The following QTMAN variants were observed in gnomAD, a reference collection of about 807,000 sequenced individuals.
QTMAN encodes tRNA-queuosine alpha-mannosyltransferase.
chr2:144,228,700 T>C, the QTMAN span, among the ~76,000 whole-genome samples: 2 of 152,238 alleles, frequency 1.3e-5, no homozygotes, highest in African/African-American at 4.8e-5. Flanking sequence ...GGCTCATGCC[T>C]GCAATCCCAG....
At chr2:143,956,567 AT>A in the QTMAN span, among the ~76,000 whole-genome samples, 1 of 152,142 alleles carries the variant, frequency 6.6e-6, no homozygotes, top group African/African-American at 2.4e-5. Flanking sequence ...TTTTTGTCAG[AT>A]TCAGTAAGGA....
chr2:143,991,798 C>T, the QTMAN span, among the ~76,000 whole-genome samples: 2 of 150,098 alleles, frequency 1.3e-5, no homozygotes, highest in African/African-American at 4.9e-5. Flanking sequence ...GGTCAGCCCC[C>T]TGCCCGGCCA....
the QTMAN span, among the ~76,000 whole-genome samples, chr2:144,328,819 A>C: frequency 6.6e-6 from 1 of 152,178 alleles, no homozygotes; most frequent in Non-Finnish European, 1.5e-5. Flanking sequence ...TATTACCTCT[A>C]TGACTCTACA....
At chr2:144,213,551 G>A in the QTMAN span, among the ~76,000 whole-genome samples, 1 of 152,084 alleles carries the variant, frequency 6.6e-6, no homozygotes, top group African/African-American at 2.4e-5. Flanking sequence ...AGGAATTGTT[G>A]TATTAATATA....
chr2:144,107,480 T>C, the QTMAN span, among the ~76,000 whole-genome samples: 1 of 152,146 alleles, frequency 6.6e-6, no homozygotes, highest in Admixed American at 6.5e-5. Context: ...CAAACAACTC[T>C]ATGAAAATAA....
At chr2:144,280,667 G>A in the QTMAN span, among the ~76,000 whole-genome samples, 58 of 152,046 alleles carry the variant, frequency 3.8e-4, no homozygotes, top group South Asian at 1.7e-3. Context: ...AATGTATTTC[G>A]CCCACACATA....
chr2:144,132,338 C>T, the QTMAN span, among the ~76,000 whole-genome samples: 3 of 152,026 alleles, frequency 2.0e-5, no homozygotes, highest in Non-Finnish European at 2.9e-5. Context: ...GAATGAGCCA[C>T]TCTGGCTAAG....
chr2:144,043,134 T>C, the QTMAN span, among the ~76,000 whole-genome samples: 14 of 152,234 alleles, frequency 9.2e-5, no homozygotes, highest in East Asian at 1.7e-3. Flanking sequence ...CTGAACACCA[T>C]AGTCATTCAT....
At chr2:144,297,840 A>C in the QTMAN span, among the ~76,000 whole-genome samples, 1 of 151,444 alleles carries the variant, frequency 6.6e-6, no homozygotes, top group African/African-American at 2.4e-5. Context: ...TCGGCCTCCC[A>C]AAGTGCTGGG....
chr2:143,968,123 GCTC>G, the QTMAN span, among the ~76,000 whole-genome samples: 2 of 152,124 alleles, frequency 1.3e-5, no homozygotes, highest in Non-Finnish European at 2.9e-5. Context: ...CCACACCTGG[GCTC>G]CTCCTCTGTG....
the QTMAN span, among the ~76,000 whole-genome samples, chr2:144,275,060 A>G: frequency 2.0e-5 from 3 of 152,068 alleles, no homozygotes; most frequent in Admixed American, 6.6e-5. Context: ...AAGAAAAAAA[A>G]GTTTGTTTTT....
the QTMAN span, among the ~76,000 whole-genome samples, chr2:144,146,178 ACATGTT>A: frequency 6.7e-6 from 1 of 149,244 alleles, no homozygotes; most frequent in Admixed American, 6.8e-5. Flanking sequence ...CAGGAATGGC[ACATGTT>A]CATGTTATGA....
chr2:144,028,250 T>C, the QTMAN span, among the ~76,000 whole-genome samples: 5 of 152,180 alleles, frequency 3.3e-5, no homozygotes, highest in Non-Finnish European at 5.9e-5. Flanking sequence ...TAACAACGTA[T>C]AGGAAAGTGT....
chr2:144,324,110 A>G, the QTMAN span, among the ~76,000 whole-genome samples: 4 of 152,196 alleles, frequency 2.6e-5, no homozygotes, highest in Non-Finnish European at 5.9e-5. Flanking sequence ...TATCCTGCCC[A>G]AGGTTACCGA....
chr2:144,221,665 C>T, the QTMAN span, among the ~76,000 whole-genome samples: 10 of 152,266 alleles, frequency 6.6e-5, no homozygotes, highest in Admixed American at 6.5e-4. Context: ...GGGAAGGAGG[C>T]CAAATTGTTT....
chr2:144,242,939 G>A, the QTMAN span, among the ~76,000 whole-genome samples: 2 of 141,608 alleles, frequency 1.4e-5, no homozygotes, highest in South Asian at 4.4e-4. Flanking sequence ...TCCAGCCTGG[G>A]CGACAGAGCA....
At chr2:144,258,129 T>TA in the QTMAN span, among the ~76,000 whole-genome samples, 1 of 146,674 alleles carries the variant, frequency 6.8e-6, no homozygotes, top group South Asian at 2.1e-4. Context: ...GGACAGGCAT[T>TA]AAAAAAATGA....
At chr2:144,111,954 T>G in the QTMAN span, among the ~76,000 whole-genome samples, 9 of 152,202 alleles carry the variant, frequency 5.9e-5, no homozygotes, top group Non-Finnish European at 1.0e-4. Flanking sequence ...GTGAAGTATT[T>G]TACTCGGGTT....
the QTMAN span, among the ~76,000 whole-genome samples, chr2:143,953,282 G>A: frequency 6.6e-6 from 1 of 151,772 alleles, no homozygotes; most frequent in Non-Finnish European, 1.5e-5. Flanking sequence ...AGAAAAGATT[G>A]AGGAACTTTT....
Sources: gnomAD v4.1 joint callset for allele counts (sites outside exome capture counted in the v4.1 genomes callset) on GRCh38, gnomAD v4.1.1 for gene constraint, MANE v1.5 for transcripts, NCBI Gene and HGNC (gene_info 2026-07-23, HGNC 2026-07-21) for gene names.